Variants in OSBPL10 observed in about 807,000 individuals in gnomAD.
The protein encoded by OSBPL10 is oxysterol binding protein like 10.
OSBPL10 carries 49 observed loss-of-function variants against 81.7 expected under a neutral mutation model. The ratio of observed to expected loss-of-function variants is 0.60; its 90% CI spans 0.48 to 0.76. The LOEUF (loss-of-function observed/expected upper bound fraction) is 0.76. Among genes scored for constraint, OSBPL10 ranks in the 30% least tolerant of loss-of-function variants. OSBPL10 has a pLI of 0.00. For synonymous variants in OSBPL10, 419 were observed against 383.6 expected (o/e 1.09, Z -1.08); for missense variants, 923 against 987.8 (o/e 0.93, Z 0.88).
At chr3:31,937,950 C>G (rs1222740262) in intron 1 of OSBPL10, among the ~76,000 whole-genome samples, 1 of 152,158 alleles carries the variant, frequency 6.6e-6, no homozygotes, top group Admixed American at 6.5e-5. Context: ...GCACACTGCC[C>G]AATTAGTTCC....
intron 2 of OSBPL10, among the ~76,000 whole-genome samples, chr3:32,046,294 C>T (rs1378902061): frequency 6.6e-6 from 1 of 152,120 alleles, no homozygotes; most frequent in Non-Finnish European, 1.5e-5. Flanking sequence ...AAATTGACGC[C>T]CTCATCAAAA....
chr3:31,783,111 TTATATATATATATATATA>T (rs56846176), intron 4 of OSBPL10, among the ~76,000 whole-genome samples: 18 of 121,658 alleles, frequency 1.5e-4, no homozygotes, highest in African/African-American at 4.4e-4. Context: ...AATATATCTA[TTATATATATATATATATA>T]TATATATATA....
intron 2 of OSBPL10, among the ~76,000 whole-genome samples, chr3:32,009,057 T>G (rs1699229556): frequency 6.6e-6 from 1 of 152,222 alleles, no homozygotes; most frequent in South Asian, 2.1e-4. Flanking sequence ...TGTTTATGTT[T>G]TTTAAAATCA....
chr3:31,777,975 A>G (rs1352476402), intron 4 of OSBPL10, among the ~76,000 whole-genome samples: 1 of 152,246 alleles, frequency 6.6e-6, no homozygotes, highest in East Asian at 1.9e-4. Context: ...CTTCCAGCTG[A>G]ACTTTGTAAT....
chr3:31,757,808 T>G, intron 4 of OSBPL10, among the ~76,000 whole-genome samples: 1 of 152,204 alleles, frequency 6.6e-6, no homozygotes, highest in East Asian at 1.9e-4. Flanking sequence ...CAGAATATGC[T>G]GTAGAAGACC....
intron 1 of OSBPL10, among the ~76,000 whole-genome samples, chr3:31,912,396 G>A (rs1413296427): frequency 3.5e-5 from 5 of 143,004 alleles, no homozygotes; most frequent in African/African-American, 5.3e-5. Context: ...CTCTGTCTCG[G>A]AAAAAAAAAA....
At chr3:31,670,744 A>G in intron 9 of OSBPL10, 53 bp downstream of exon 9, 1 of 1,519,136 alleles carries the variant, frequency 6.6e-7, no homozygotes, top group Non-Finnish European at 8.9e-7. Flanking sequence ...GGTGAAAGGA[A>G]ACTCAGGGCA....
At chr3:31,746,733 A>G (rs1343891188) in intron 5 of OSBPL10, among the ~76,000 whole-genome samples, 1 of 151,482 alleles carries the variant, frequency 6.6e-6, no homozygotes, top group African/African-American at 2.4e-5. Context: ...ATAAAAAACC[A>G]AACACCGCAT....
At chr3:31,664,883 C>T (rs553315872) in intron 10 of OSBPL10, among the ~76,000 whole-genome samples, 8 of 152,190 alleles carry the variant, frequency 5.3e-5, no homozygotes, top group Non-Finnish European at 1.0e-4. Flanking sequence ...CATTGTAGAA[C>T]GCAGCCTAAA....
At chr3:31,705,372 A>ACCCCCCCCCCCC (rs3840254) in intron 6 of OSBPL10, among the ~76,000 whole-genome samples, 19 of 130,556 alleles carry the variant, frequency 1.5e-4, no homozygotes, top group African/African-American at 2.5e-4. Flanking sequence ...CAAAGAGAAG[A>ACCCCCCCCCCCC]CCCCCCCCCC....
At chr3:31,752,871 C>G (rs770254359) in intron 4 of OSBPL10, among the ~76,000 whole-genome samples, 1 of 152,188 alleles carries the variant, frequency 6.6e-6, no homozygotes, top group Admixed American at 6.5e-5. Context: ...CATTACTCTC[C>G]AAAAGCTCAG....
intron 1 of OSBPL10, among the ~76,000 whole-genome samples, chr3:31,908,242 G>C (rs1696472500): frequency 6.6e-6 from 1 of 152,030 alleles, no homozygotes; most frequent in African/African-American, 2.4e-5. Flanking sequence ...AGGGACTGGG[G>C]GGTTGATTCC....
At chr3:31,998,509 G>T (rs887499684) in intron 2 of OSBPL10, among the ~76,000 whole-genome samples, 1 of 152,124 alleles carries the variant, frequency 6.6e-6, no homozygotes, top group Non-Finnish European at 1.5e-5. Context: ...ATTAACTTGG[G>T]ATTGCAATGA....
intron 4 of OSBPL10, among the ~76,000 whole-genome samples, chr3:31,762,260 C>T (rs1698068306): frequency 6.6e-6 from 1 of 152,154 alleles, no homozygotes; most frequent in Non-Finnish European, 1.5e-5. Flanking sequence ...GCTTCCCCCA[C>T]ATTTATCTTT....
At chr3:31,801,756 C>G (rs1340802962) in intron 4 of OSBPL10, among the ~76,000 whole-genome samples, 4 of 152,128 alleles carry the variant, frequency 2.6e-5, no homozygotes, top group Non-Finnish European at 5.9e-5. Flanking sequence ...ACTTCTTATG[C>G]CATGAGGTTA....
intron 2 of OSBPL10, among the ~76,000 whole-genome samples, chr3:31,997,828 C>T (rs1390921201): frequency 1.3e-5 from 2 of 152,072 alleles, no homozygotes; most frequent in African/African-American, 4.8e-5. Flanking sequence ...GTCGCCCAGG[C>T]AGGAGTGGGA....
chr3:31,792,225 CA>C (rs369733747), intron 4 of OSBPL10, among the ~76,000 whole-genome samples: 304 of 133,422 alleles, frequency 2.3e-3, no homozygotes, highest in East Asian at 3.7e-3. Flanking sequence ...ACCCTGTCTC[CA>C]AAAAAAAAAA....
At chr3:31,762,942 CA>C (rs1347648196) in intron 4 of OSBPL10, among the ~76,000 whole-genome samples, 1 of 152,096 alleles carries the variant, frequency 6.6e-6, no homozygotes, top group East Asian at 1.9e-4. Flanking sequence ...GATCACAGCA[CA>C]AAGGCTCACA....
chr3:31,749,407 T>G (rs1191849519), intron 4 of OSBPL10, among the ~76,000 whole-genome samples: 2 of 152,262 alleles, frequency 1.3e-5, no homozygotes, highest in Non-Finnish European at 1.5e-5. Flanking sequence ...AATCTGGCCA[T>G]GCAAATTGTT....
Sources: gnomAD v4.1 joint callset for allele counts (sites outside exome capture counted in the v4.1 genomes callset) on GRCh38, gnomAD v4.1.1 for gene constraint, MANE v1.5 for transcripts, NCBI Gene and HGNC (gene_info 2026-07-23, HGNC 2026-07-21) for gene names.